The following CLEC2L variants were observed in gnomAD, a reference collection of about 807,000 sequenced individuals.
The protein encoded by CLEC2L is C-type lectin domain family 2 member L, also known as C-type lectin domain family 2, member L.
In CLEC2L, 14 loss-of-function variants were observed where a neutral mutation model predicts 23.6. That is an observed-to-expected ratio of 0.59 (90% CI 0.39 to 0.93). The LOEUF is 0.93. CLEC2L is among the 40% of genes least tolerant of loss of function. The pLI, the probability that CLEC2L is intolerant of heterozygous loss-of-function variation, is 0.00. For synonymous variants in CLEC2L, 114 were observed against 121.3 expected, an observed-to-expected ratio of 0.94 and a Z score of 0.40; for missense variants, 264 against 282.4, an observed-to-expected ratio of 0.93 and a Z score of 0.47.
Position 139,544,574 on chromosome 7 carries a change from A to T in CLEC2L, c.*232A>T, listed in dbSNP as rs1797782597. 7.1e-6 allele frequency: 4 copies of T among 563,220 alleles called. No individual in the cohort carries two copies. In the South Asian group the frequency reaches 8.5e-5, roughly 12 times the overall value. The allele number at this position is 563,220 out of a possible 1,614,324, so 34.9% of individuals were successfully genotyped here. A position where few individuals can be genotyped will look rare whatever the true frequency, so the allele number is the denominator to read the frequency against. The stretch of plus-strand genomic sequence containing the variant: ...AGCAGTTAAATCCCATATGCTAGGT[A>T]GTGTAGGCATCTGCCCACCTACACA... On this transcript the variant is annotated 3_prime_UTR_variant, in exon 5 of 5. Coordinates refer to ENST00000422142, the MANE Select transcript of CLEC2L (RefSeq NM_001080511.4).
chr7:139,541,338 A>AG (rs1797732870), intron 3 of CLEC2L, among the ~76,000 whole-genome samples: 1 of 152,122 alleles, frequency 6.6e-6, no homozygotes, highest in South Asian at 2.1e-4. Flanking sequence ...GAAAAAAAAA[A>AG]AGAATTACAA....
chr7:139,529,857 AG>A (rs1465967960), intron 1 of CLEC2L, among the ~76,000 whole-genome samples: 2 of 152,152 alleles, frequency 1.3e-5, no homozygotes, highest in African/African-American at 4.8e-5. Flanking sequence ...ACCTGAGGTC[AG>A]GAGTTTGAGA....
chr7:139,540,289 C>CGGGGGGGGGGGGGGG lies in CLEC2L; in HGVS notation c.266-29_266-28insGGGGGGGGGGGGGGG. On this transcript the variant is annotated intron_variant, in intron 2 of 4. Transcript: ENST00000422142. The surrounding 1 kb of genome is among the most constrained non-coding windows in gnomAD (Gnocchi z 5.8). ...CAGAGTGGGACTCGGGCTGGGGGGG[C>CGGGGGGGGGGGGGGG]GGGCAGGGCCGAGCTGGTCTCTTCC... The CGGGGGGGGGGGGGGG allele has an allele frequency of 9.3e-7, 1 of 1,071,258 alleles. No individual in the cohort carries two copies. Among genetic ancestry groups the CGGGGGGGGGGGGGGG allele is most frequent in the Non-Finnish European group, 1.3e-6 (1 of 778,654 alleles). The allele number at this position is 1,071,258 out of a possible 1,614,324, so 66.4% of individuals were successfully genotyped here. A position where few individuals can be genotyped will look rare whatever the true frequency, so the allele number is the denominator to read the frequency against.
chr7:139,540,887 C>T lies in CLEC2L; in HGVS notation c.432+400C>T, dbSNP rs145928722. ...TGGGCAACATAGTGAGACCCTAGCT[C>T]TACAAAAAGTAAAAAGAAAATTAGC... On this transcript the variant is annotated intron_variant, in intron 3 of 4. Transcript: ENST00000422142. This position sits in a 1 kb window ranked among gnomAD's most constrained non-coding sequence, Gnocchi z 5.8. Among the ~76,000 whole-genome samples, 341 of 151,950 alleles carry T rather than the reference C, an allele frequency of 2.2e-3. 3 individuals are homozygous for T. Among genetic ancestry groups the T allele is most frequent in the African/African-American group, 7.8e-3 (322 of 41,404 alleles).
chr7:139,533,576 G>A (rs563044340), intron 1 of CLEC2L, among the ~76,000 whole-genome samples: 2 of 152,176 alleles, frequency 1.3e-5, no homozygotes, highest in African/African-American at 2.4e-5. Flanking sequence ...GGCTGGTCTC[G>A]AACTCCTGAC....
At chr7:139,531,333 C>T (rs1797579863) in intron 1 of CLEC2L, among the ~76,000 whole-genome samples, 1 of 152,052 alleles carries the variant, frequency 6.6e-6, no homozygotes, top group Non-Finnish European at 1.5e-5. Flanking sequence ...GAATAGGATT[C>T]TTTAAGAGGG....
Position 139,529,286 on chromosome 7 carries a change from TATC to T in CLEC2L, c.190+5172_190+5174del, listed in dbSNP as rs1208171852. Among the ~76,000 whole-genome samples the T allele has an allele frequency of 2.0e-5, 3 of 152,332 alleles. No individual in the cohort carries two copies. The South Asian group carries it at 6.2e-4, about 32-fold the overall frequency. On this transcript the variant is annotated intron_variant, in intron 1 of 4. Coordinates refer to ENST00000422142, the MANE Select transcript of CLEC2L (RefSeq NM_001080511.4). ...AACTCTCTAAGAGACAGGTAGATAT[TATC>T]ATTACCTCATTTTCAAGATGAGGAA...
chr7:139,527,291 A>G (rs762025644), intron 1 of CLEC2L, among the ~76,000 whole-genome samples: 1 of 152,122 alleles, frequency 6.6e-6, no homozygotes, highest in Non-Finnish European at 1.5e-5. Flanking sequence ...ATGGCCAAGG[A>G]CGTCAGCCTT....
At chr7:139,542,348 C>G (rs1454840572) in intron 4 of CLEC2L, among the ~76,000 whole-genome samples, 1 of 152,218 alleles carries the variant, frequency 6.6e-6, no homozygotes, top group African/African-American at 2.4e-5. Context: ...GCAAAGCCAT[C>G]AGAGCTTCGC....
Position 139,540,239 on chromosome 7 carries a change from A to T in CLEC2L, c.266-82A>T, listed in dbSNP as rs1585202192. Reference sequence around the variant, plus strand: ...GTGTCCCTGCAGGACGCCAAAGCTGAGGCAGGGGAGGGAGCCACAGAAAGC... The same window carrying T: ...GTGTCCCTGCAGGACGCCAAAGCTGTGGCAGGGGAGGGAGCCACAGAAAGC... On this transcript the variant is annotated intron_variant, in intron 2 of 4. Coordinates refer to ENST00000422142, the MANE Select transcript of CLEC2L (RefSeq NM_001080511.4). The surrounding 1 kb of genome is among the most constrained non-coding windows in gnomAD (Gnocchi z 5.8). 2.2e-6 allele frequency: 3 copies of T among 1,368,106 alleles called. No homozygotes were observed. In the East Asian group the frequency reaches 8.1e-5, roughly 37 times the overall value. 84.7% of individuals were successfully genotyped at this position (1,368,106 alleles called of 1,614,324 possible).
Position 139,542,014 on chromosome 7 carries a change from G to T in CLEC2L, c.433-7G>T, listed in dbSNP as rs748352378. Reference sequence around the variant, plus strand: ...GACCCTGAGGTGTCCCTTTTTCCTCGGTGCAGGAATTTATGTTCAAGTTCA... The same window carrying T: ...GACCCTGAGGTGTCCCTTTTTCCTCTGTGCAGGAATTTATGTTCAAGTTCA... On this transcript the variant is annotated splice_region_variant and splice_polypyrimidine_tract_variant and intron_variant, in intron 3 of 4. Transcript: ENST00000422142. 1 of 1,602,882 alleles carries T rather than the reference G, an allele frequency of 6.2e-7. No individual in the cohort carries two copies. The highest frequency in any genetic ancestry group is 2.2e-5 in the East Asian group (1 of 44,664).
At chr7:139,537,231 G>A (rs751991197) in intron 2 of CLEC2L, among the ~76,000 whole-genome samples, 26 of 152,098 alleles carry the variant, frequency 1.7e-4, no homozygotes, top group Non-Finnish European at 3.8e-4. Flanking sequence ...GTGCTAGGGA[G>A]GAAAAACTTT....
In CLEC2L at chr7:139,536,305, C is replaced by G. The variant is rs370234589; in HGVS notation, c.222C>G (p.Ile74Met). 2 of 1,551,356 alleles carry G rather than the reference C, an allele frequency of 1.3e-6. No individual in the cohort carries two copies. Among genetic ancestry groups the G allele is most frequent in the African/African-American group, 2.7e-5 (2 of 73,002 alleles). Residue 74 changes from isoleucine (I) to methionine (M), a missense_variant, in exon 2 of 5, where the codon ATC (isoleucine) becomes ATG (methionine). Physicochemically the swap from Ile to Met is conservative, Grantham distance 10. Transcript: ENST00000422142. The part of the protein sequence containing the change: ...DTTTRLLLGA[I>M]AVLLFAILVV... ...CCACACGCCTCCTGCTGGGTGCCAT[C>G]GCGGTCCTTCTGTTCGCCATCTTGG...
At chr7:139,532,717 C>G (rs901061995) in intron 1 of CLEC2L, among the ~76,000 whole-genome samples, 1 of 152,102 alleles carries the variant, frequency 6.6e-6, no homozygotes, top group Non-Finnish European at 1.5e-5. Context: ...GAACAGACAC[C>G]AGAACTTCCT....
At chr7:139,529,101 A>C (rs1348924245) in intron 1 of CLEC2L, among the ~76,000 whole-genome samples, 3 of 152,180 alleles carry the variant, frequency 2.0e-5, no homozygotes, top group Non-Finnish European at 4.4e-5. Flanking sequence ...TCTGAAGGTG[A>C]GTAAAGCACA....
At chr7:139,532,307 G>A (rs992599440) in intron 1 of CLEC2L, among the ~76,000 whole-genome samples, 2 of 152,212 alleles carry the variant, frequency 1.3e-5, no homozygotes, top group African/African-American at 4.8e-5. Context: ...GTGCAGTGCA[G>A]TGGTTTTGCT....
At position 139,536,359 on chromosome 7, in the gene CLEC2L, G is replaced by A. The variant is rs183874055; in HGVS notation, c.265+11G>A. The stretch of plus-strand genomic sequence containing the variant: ...TGATGAGCATCTTGGGTGAGCATGC[G>A]TGTCAGAGCATTTATGCATTCAGTT... On this transcript the variant is annotated intron_variant, in intron 2 of 4. Transcript: ENST00000422142. 242 of 1,550,174 alleles carry A rather than the reference G, an allele frequency of 1.6e-4. 2 individuals are homozygous for A. In the African/African-American group the frequency reaches 2.7e-3, roughly 18 times the overall value.
In CLEC2L at chr7:139,540,292, G is replaced by GGGGGGGGCC; in HGVS notation, c.266-29_266-28insGGGGGGGCC. The GGGGGGGGCC allele has an allele frequency of 3.2e-6, 3 of 928,654 alleles. No individual in the cohort carries two copies. Among genetic ancestry groups the GGGGGGGGCC allele is most frequent in the Non-Finnish European group, 4.8e-6 (3 of 628,376 alleles). The allele number at this position is 928,654 out of a possible 1,614,324, so 57.5% of individuals were successfully genotyped here. A position where few individuals can be genotyped will look rare whatever the true frequency, so the allele number is the denominator to read the frequency against. On this transcript the variant is annotated intron_variant, in intron 2 of 4. Transcript: ENST00000422142. The surrounding 1 kb of genome is among the most constrained non-coding windows in gnomAD (Gnocchi z 5.8). ...AGTGGGACTCGGGCTGGGGGGGCGG[G>GGGGGGGGCC]CAGGGCCGAGCTGGTCTCTTCCCTG...
In CLEC2L at chr7:139,540,003, A is replaced by G. The variant is rs1384289949; in HGVS notation, c.266-318A>G. 1 of 339,216 alleles carries G rather than the reference A, an allele frequency of 2.9e-6. No homozygotes were observed. Among genetic ancestry groups the G allele is most frequent in the African/African-American group, 2.1e-5 (1 of 47,524 alleles). The allele number at this position is 339,216 out of a possible 1,614,324, so 21.0% of individuals were successfully genotyped here. On this transcript the variant is annotated intron_variant, in intron 2 of 4. Coordinates refer to ENST00000422142, the MANE Select transcript of CLEC2L (RefSeq NM_001080511.4). This position sits in a 1 kb window ranked among gnomAD's most constrained non-coding sequence, Gnocchi z 5.8. Reference sequence around the variant, plus strand: ...CCTGGCCTAGCTGGAAGGAGAGGACACATAGCCGCCAGACCTCTTCCCAGT... The same window carrying G: ...CCTGGCCTAGCTGGAAGGAGAGGACGCATAGCCGCCAGACCTCTTCCCAGT...
Sources: gnomAD v4.1 joint callset for allele counts (sites outside exome capture counted in the v4.1 genomes callset) on GRCh38, gnomAD v4.1.1 for gene constraint, Gnocchi (gnomAD v3.1) non-coding constraint, MANE v1.5 for transcripts, NCBI Gene and HGNC (gene_info 2026-07-23, HGNC 2026-07-21) for gene names.